Variants in GLIS1 observed in about 807,000 individuals in gnomAD.
GLIS1 encodes zinc finger protein GLIS1.
A neutral mutation model predicts 63.8 loss-of-function variants in GLIS1; 24 were observed. The ratio of observed to expected loss-of-function variants is 0.38; its 90% CI spans 0.27 to 0.53. GLIS1 has a LOEUF of 0.53. Ranked by LOEUF, GLIS1 falls within the 20% of genes least tolerant of loss-of-function variation. GLIS1 has a pLI of 0.85. For synonymous variants in GLIS1, 450 were observed against 482.5 expected (o/e 0.93, Z 0.88); for missense variants, 1,036 against 1,074.1 (o/e 0.96, Z 0.50).
At chr1:53,633,517 A>G (rs982106197) in intron 2 of GLIS1, among the ~76,000 whole-genome samples, 3 of 151,436 alleles carry the variant, frequency 2.0e-5, no homozygotes, top group Admixed American at 1.3e-4. Context: ...AATGAGTGTG[A>G]CTGAAGTGCG....
chr1:53,687,098 G>A (rs1436493247), intron 2 of GLIS1, among the ~76,000 whole-genome samples: 1 of 152,246 alleles, frequency 6.6e-6, no homozygotes, highest in Non-Finnish European at 1.5e-5. Flanking sequence ...GCAGAGCATG[G>A]ACTGGAACCC....
At chr1:53,576,635 T>C (rs1321775698) in intron 4 of GLIS1, among the ~76,000 whole-genome samples, 1 of 152,124 alleles carries the variant, frequency 6.6e-6, no homozygotes, top group Non-Finnish European at 1.5e-5. Flanking sequence ...GTATAAACCC[T>C]GAGCAAAATG....
chr1:53,548,154 G>A (rs1201805278), intron 4 of GLIS1, among the ~76,000 whole-genome samples: 1 of 152,266 alleles, frequency 6.6e-6, no homozygotes, highest in Non-Finnish European at 1.5e-5. Flanking sequence ...GGGACTTGGG[G>A]GCCAAAGATG....
intron 2 of GLIS1, among the ~76,000 whole-genome samples, chr1:53,625,589 T>C (rs963883125): frequency 6.6e-6 from 1 of 152,246 alleles, no homozygotes. Context: ...CCATCTTAGA[T>C]GGCATCCCCC....
chr1:53,690,530 G>C (rs1646391612), intron 2 of GLIS1, among the ~76,000 whole-genome samples: 1 of 151,972 alleles, frequency 6.6e-6, no homozygotes, highest in African/African-American at 2.4e-5. Flanking sequence ...TTCAACGTCT[G>C]CATCTGGCAA....
intron 2 of GLIS1, among the ~76,000 whole-genome samples, chr1:53,726,913 T>C (rs1204017846): frequency 1.3e-5 from 2 of 152,242 alleles, no homozygotes; most frequent in Admixed American, 6.5e-5. Context: ...GCCTGGGACC[T>C]AGCCCAGCTC....
chr1:53,635,791 C>A (rs973423381), intron 2 of GLIS1, among the ~76,000 whole-genome samples: 4 of 152,030 alleles, frequency 2.6e-5, no homozygotes, highest in African/African-American at 7.2e-5. Flanking sequence ...GCAGGCAATA[C>A]AAAGATGTTT....
At chr1:53,604,221 C>A (rs1452020321) in intron 2 of GLIS1, among the ~76,000 whole-genome samples, 1 of 152,172 alleles carries the variant, frequency 6.6e-6, no homozygotes, top group Admixed American at 6.5e-5. Context: ...AACATGTTGT[C>A]CCCAGAAAGG....
chr1:53,641,320 G>A (rs988923439), intron 2 of GLIS1, among the ~76,000 whole-genome samples: 1 of 152,170 alleles, frequency 6.6e-6, no homozygotes, highest in Middle Eastern at 3.2e-3. Flanking sequence ...TTGTCCTAGA[G>A]ATTAAATGAC....
intron 2 of GLIS1, chr1:53,733,772 A>C (rs1646887203): frequency 3.6e-5 from 11 of 301,446 alleles, no homozygotes; most frequent in Non-Finnish European, 5.4e-5. Flanking sequence ...CCCTTATTTG[A>C]AACTTCATGC....
At chr1:53,533,850 C>T (rs528819510) in intron 4 of GLIS1, among the ~76,000 whole-genome samples, 1 of 152,168 alleles carries the variant, frequency 6.6e-6, no homozygotes, top group Admixed American at 6.5e-5. Context: ...CAGTTCAGCA[C>T]CTATTGTGTG....
chr1:53,616,454 A>T (rs1413089904), intron 2 of GLIS1, among the ~76,000 whole-genome samples: 1 of 152,184 alleles, frequency 6.6e-6, no homozygotes, highest in Non-Finnish European at 1.5e-5. Flanking sequence ...AAATCAAGCT[A>T]ATTAGGTAAC....
chr1:53,538,249 T>C (rs1245061583), intron 4 of GLIS1, among the ~76,000 whole-genome samples: 2 of 151,972 alleles, frequency 1.3e-5, no homozygotes, highest in African/African-American at 4.8e-5. Flanking sequence ...GCTCTTTGAT[T>C]TGGACCGTGA....
At chr1:53,668,833 C>T (rs1646122052) in intron 2 of GLIS1, among the ~76,000 whole-genome samples, 1 of 152,130 alleles carries the variant, frequency 6.6e-6, no homozygotes, top group African/African-American at 2.4e-5. Context: ...AAATCACCTA[C>T]GACACGTCTC....
At chr1:53,582,133 A>G (rs1184176066) in intron 4 of GLIS1, among the ~76,000 whole-genome samples, 1 of 152,160 alleles carries the variant, frequency 6.6e-6, no homozygotes, top group Non-Finnish European at 1.5e-5. Flanking sequence ...TTCCAACTTC[A>G]TCTAATCCAA....
At chr1:53,738,933 C>A (rs1646940426) in intron 1 of GLIS1, among the ~76,000 whole-genome samples, 172 bp downstream of exon 1, 1 of 152,186 alleles carries the variant, frequency 6.6e-6, no homozygotes, top group Admixed American at 6.5e-5. Flanking sequence ...ATGGGGGCCG[C>A]GACAGAGCCT....
intron 2 of GLIS1, among the ~76,000 whole-genome samples, chr1:53,625,165 C>G (rs1489052998): frequency 2.0e-5 from 3 of 152,128 alleles, no homozygotes; most frequent in Non-Finnish European, 2.9e-5. Context: ...TTTCTTGCTT[C>G]TGAGCAGGAA....
chr1:53,734,025 C>T, intron 2 of GLIS1: 1 of 985,256 alleles, frequency 1.0e-6, no homozygotes, highest in Non-Finnish European at 1.2e-6. Context: ...CTGTCCACCG[C>T]CCCCACTCCG....
chr1:53,678,149 A>T (rs1352806039), intron 2 of GLIS1, among the ~76,000 whole-genome samples: 1 of 151,648 alleles, frequency 6.6e-6, no homozygotes, highest in Non-Finnish European at 1.5e-5. Context: ...GGCAGTGGGC[A>T]CCCCCATCAG....
Sources: allele counts gnomAD v4.1 joint callset (sites outside exome capture counted in the v4.1 genomes callset), GRCh38; gene constraint gnomAD v4.1.1; transcripts MANE v1.5; gene names NCBI Gene and HGNC (gene_info 2026-07-23, HGNC 2026-07-21).